Variants in COL19A1 observed in about 807,000 individuals in gnomAD.
COL19A1 encodes the protein collagen type XIX alpha 1 chain, also known as collagen alpha-1(XIX) chain.
Under a neutral mutation model 190.2 loss-of-function variants are expected in COL19A1, and 159 were observed. The observed-to-expected ratio is 0.84, with a 90% confidence interval of 0.73 to 0.95. COL19A1 has a LOEUF of 0.95. Ranked by LOEUF, COL19A1 falls within the 40% of genes least tolerant of loss-of-function variation. The pLI is 0.00. For missense variants in COL19A1, 1,418 were observed against 1,431.9 expected (o/e 0.99, Z 0.16); for synonymous variants, 509 against 458.9 (o/e 1.11, Z -1.39).
chr6:70,022,536 A>G (rs961675233), intron 11 of COL19A1, among the ~76,000 whole-genome samples: 3 of 152,166 alleles, frequency 2.0e-5, no homozygotes, highest in Non-Finnish European at 4.4e-5. Flanking sequence ...CAAAAATTGT[A>G]TTATACTATA....
At chr6:70,056,080 T>C (rs1046803147) in intron 14 of COL19A1, among the ~76,000 whole-genome samples, 1 of 152,152 alleles carries the variant, frequency 6.6e-6, no homozygotes, top group Non-Finnish European at 1.5e-5. Flanking sequence ...TATTTTTTTC[T>C]CTGAGTTGAT....
At chr6:70,175,009 G>A (rs1765719526) in intron 41 of COL19A1, among the ~76,000 whole-genome samples, 1 of 152,170 alleles carries the variant, frequency 6.6e-6, no homozygotes, top group Admixed American at 6.5e-5. Flanking sequence ...TAGTGGTTAA[G>A]GAATGAGAGG....
intron 19 of COL19A1, among the ~76,000 whole-genome samples, chr6:70,140,046 G>A (rs1355310880): frequency 6.6e-6 from 1 of 151,324 alleles, no homozygotes; most frequent in African/African-American, 2.4e-5. Context: ...AGGGAAATAA[G>A]AATATAAATA....
chr6:70,055,016 A>C (rs748101893), intron 14 of COL19A1, among the ~76,000 whole-genome samples: 8 of 152,202 alleles, frequency 5.3e-5, no homozygotes, highest in Non-Finnish European at 8.8e-5. Context: ...TACAACTCAC[A>C]TCATAACAAA....
At chr6:69,910,823 A>G (rs1327220531) in intron 4 of COL19A1, among the ~76,000 whole-genome samples, 1 of 152,210 alleles carries the variant, frequency 6.6e-6, no homozygotes, top group Non-Finnish European at 1.5e-5. Flanking sequence ...AAAGAAAGGC[A>G]TGTAAGCATG....
chr6:70,031,797 C>G (rs928998476), intron 12 of COL19A1, among the ~76,000 whole-genome samples: 1 of 152,134 alleles, frequency 6.6e-6, no homozygotes, highest in African/African-American at 2.4e-5. Context: ...TTCTGACACC[C>G]CCCTTGAAGT....
At chr6:70,029,988 G>C (rs553719989) in intron 12 of COL19A1, among the ~76,000 whole-genome samples, 85 of 152,240 alleles carry the variant, frequency 5.6e-4, no homozygotes, top group African/African-American at 1.9e-3. Flanking sequence ...TTATAGGAAA[G>C]CTTACCCAAC....
chr6:70,101,052 T>G (rs1783597189), intron 15 of COL19A1, among the ~76,000 whole-genome samples: 1 of 152,178 alleles, frequency 6.6e-6, no homozygotes, highest in East Asian at 1.9e-4. Flanking sequence ...CCTGACATTT[T>G]CAGAGCAAGA....
At chr6:70,069,522 T>C (rs1781430421) in intron 15 of COL19A1, among the ~76,000 whole-genome samples, 1 of 152,142 alleles carries the variant, frequency 6.6e-6, no homozygotes, top group Non-Finnish European at 1.5e-5. Context: ...TCATTGGCTT[T>C]CCAGAGTTGT....
At chr6:69,938,160 A>T in intron 9 of COL19A1, 60 bp downstream of exon 9, 1 of 1,486,042 alleles carries the variant, frequency 6.7e-7, no homozygotes, top group Non-Finnish European at 9.3e-7. Context: ...TGACTTAAAA[A>T]TGTGTTCATC....
chr6:69,938,382 T>A (rs1483034764), intron 9 of COL19A1, among the ~76,000 whole-genome samples: 1 of 152,114 alleles, frequency 6.6e-6, no homozygotes, highest in Admixed American at 6.6e-5. Context: ...AAGTCTATTT[T>A]CTAGCTGTGC....
intron 9 of COL19A1, among the ~76,000 whole-genome samples, chr6:69,957,007 G>A (rs540527675): frequency 6.6e-6 from 1 of 151,970 alleles, no homozygotes; most frequent in South Asian, 2.1e-4. Flanking sequence ...ATCAAATGCT[G>A]GTTATTTGCA....
chr6:69,904,356 G>A (rs1478325186), intron 4 of COL19A1, among the ~76,000 whole-genome samples: 1 of 152,180 alleles, frequency 6.6e-6, no homozygotes, highest in Non-Finnish European at 1.5e-5. Context: ...ATGCCCTTGT[G>A]CCAACCATCG....
intron 2 of COL19A1, chr6:69,891,134 G>A (rs1404233056): frequency 3.9e-5 from 7 of 179,604 alleles, no homozygotes; most frequent in Admixed American, 5.1e-5. Context: ...GGAGGGATAA[G>A]GACAGCTCAA....
chr6:69,995,564 G>A (rs1776858504), intron 11 of COL19A1, among the ~76,000 whole-genome samples: 1 of 151,342 alleles, frequency 6.6e-6, no homozygotes, highest in South Asian at 2.1e-4. Context: ...GGGTAAGTTA[G>A]CAAATCAAAG....
At chr6:70,203,235 T>C (rs1767656054) in intron 49 of COL19A1, among the ~76,000 whole-genome samples, 1 of 152,142 alleles carries the variant, frequency 6.6e-6, no homozygotes. Context: ...CCTAAAGCCC[T>C]ACTCATTTCA....
chr6:70,176,376 T>C, intron 41 of COL19A1, 144 bp from the exon 42 acceptor site: 1 of 639,568 alleles, frequency 1.6e-6, no homozygotes, highest in East Asian at 3.1e-5. Context: ...ATCTACACAC[T>C]AGCTTCACCC....
intron 15 of COL19A1, among the ~76,000 whole-genome samples, chr6:70,082,298 T>C (rs780339184): frequency 4.6e-5 from 7 of 152,212 alleles, no homozygotes; most frequent in Non-Finnish European, 8.8e-5. Flanking sequence ...TAAATAATAT[T>C]CTGAGAGTCT....
At chr6:69,893,711 TC>T (rs1409479532) in intron 2 of COL19A1, among the ~76,000 whole-genome samples, 1 of 152,222 alleles carries the variant, frequency 6.6e-6, no homozygotes, top group Non-Finnish European at 1.5e-5. Flanking sequence ...AAATTCTTTC[TC>T]CTTTGTTTTC....
Sources: allele counts gnomAD v4.1 joint callset (sites outside exome capture counted in the v4.1 genomes callset), GRCh38; gene constraint gnomAD v4.1.1; transcripts MANE v1.5; gene names NCBI Gene and HGNC (gene_info 2026-07-23, HGNC 2026-07-21).